Variants in PROS1 observed in about 807,000 individuals in gnomAD.
The protein encoded by PROS1 is protein S.
Under a neutral mutation model 75.9 loss-of-function variants are expected in PROS1, and 29 were observed. That is an observed-to-expected ratio of 0.38 (90% CI 0.28 to 0.52). The LOEUF (loss-of-function observed/expected upper bound fraction) is 0.52, where lower values mean the gene tolerates loss of function less well. PROS1 is among the 20% of genes least tolerant of loss of function. The pLI, the probability that PROS1 is intolerant of heterozygous loss-of-function variation, is 0.83. For missense variants in PROS1, 680 were observed against 810.3 expected (o/e 0.84, Z 1.95); for synonymous variants, 245 against 280.6 (o/e 0.87, Z 1.27).
intron 1 of PROS1, among the ~76,000 whole-genome samples, chr3:93,942,929 G>T (rs528861689): frequency 1.3e-5 from 2 of 152,278 alleles, no homozygotes; most frequent in East Asian, 3.9e-4. Flanking sequence ...CATGCCATGA[G>T]TCAGGAAACT....
At chr3:93,940,784 G>T (rs377166397) in intron 1 of PROS1, among the ~76,000 whole-genome samples, 8 of 152,236 alleles carry the variant, frequency 5.3e-5, no homozygotes, top group East Asian at 3.9e-4. Context: ...GGGGATTAAA[G>T]CCTGTTATCA....
chr3:93,899,837 T>A (rs555394542), intron 7 of PROS1, among the ~76,000 whole-genome samples: 1 of 152,160 alleles, frequency 6.6e-6, no homozygotes, highest in Non-Finnish European at 1.5e-5. Context: ...TTGGGGCTGA[T>A]GAAAAAGTTT....
At chr3:93,922,997 T>C (rs1708964601) in intron 3 of PROS1, among the ~76,000 whole-genome samples, 3 of 152,250 alleles carry the variant, frequency 2.0e-5, no homozygotes, top group South Asian at 4.1e-4. Flanking sequence ...TTAGAAAATA[T>C]AGTTACAGTG....
rs986243901 is a variant in PROS1, at chr3:93,910,796, T to C, written c.260-91A>G. 2.0e-5 allele frequency: 20 copies of C among 1,002,030 alleles called. No homozygotes were observed. In the Admixed American group the frequency reaches 2.2e-4, roughly 11 times the overall value. 62.1% of individuals were successfully genotyped at this position (1,002,030 alleles called of 1,614,324 possible). On this transcript the variant is annotated intron_variant, in intron 3 of 14. Coordinates refer to ENST00000394236, the MANE Select transcript of PROS1 (RefSeq NM_000313.4). ...GGAACTGTCCCAAGAGGTAGGACAT[T>C]TATGCTCCTGTAGATTCACAAGATT...
intron 1 of PROS1, among the ~76,000 whole-genome samples, chr3:93,935,762 T>G (rs1709173076): frequency 6.6e-6 from 1 of 152,064 alleles, no homozygotes; most frequent in African/African-American, 2.4e-5. Flanking sequence ...ATTCAATGGT[T>G]TCTACCAGCA....
rs1130107 is a variant in PROS1, at chr3:93,893,055, C to G, written c.1033G>C (p.Asp345His). Residue 345 changes from aspartate (D) to histidine (H), a missense_variant, in exon 10 of 15, where the codon GAT becomes CAT. By Grantham distance (81) the Asp-to-His change is moderately conservative. Transcript: ENST00000394236. ...EGVILYAESI[D>H]HSAWLLIALR... ...GCAATCAGGAGCCACGCTGAGTGAT[C>G]GATAGATTCTGCGTACAGTATCACG... The G allele has an allele frequency of 1.2e-6, 2 of 1,613,804 alleles. No homozygotes were observed. The highest frequency in any genetic ancestry group is 2.7e-5 in the African/African-American group (2 of 74,898).
At chr3:93,922,234 T>A (rs1190433379) in intron 3 of PROS1, among the ~76,000 whole-genome samples, 1 of 152,080 alleles carries the variant, frequency 6.6e-6, no homozygotes, top group Non-Finnish European at 1.5e-5. Context: ...AATAATTTCT[T>A]TTTTTTATTT....
At chr3:93,934,697 A>T (rs2107214856) in intron 1 of PROS1, among the ~76,000 whole-genome samples, 1 of 152,338 alleles carries the variant, frequency 6.6e-6, no homozygotes, top group Non-Finnish European at 1.5e-5. Context: ...AATGTTACAC[A>T]TATAAAGGCG....
rs200980997 is a variant in PROS1 at position 93,906,017 on chromosome 3, G to A, written c.469+4C>T. 77 of 1,613,988 alleles carry A rather than the reference G, an allele frequency of 4.8e-5. No individual in the cohort carries two copies. The African/African-American group carries it at 7.9e-4, about 16-fold the overall frequency. ...AGCTGGGGGGCGGGGGTTATTATAC[G>A]TACCAAATTCACACTTTTCTCCTTG... On this transcript the variant is annotated splice_donor_region_variant and intron_variant, in intron 5 of 14. Transcript: ENST00000394236.
At chr3:93,936,108 G>A (rs377420624) in intron 1 of PROS1, among the ~76,000 whole-genome samples, 16 of 136,702 alleles carry the variant, frequency 1.2e-4, no homozygotes, top group South Asian at 5.4e-4. Flanking sequence ...CCCCTTCCCC[G>A]CTCCAAATTC....
At chr3:93,889,838 T>C (rs975322907) in intron 10 of PROS1, among the ~76,000 whole-genome samples, 3 of 152,134 alleles carry the variant, frequency 2.0e-5, no homozygotes, top group African/African-American at 4.8e-5. Context: ...GTAAAACATG[T>C]GTGTTTAACA....
intron 1 of PROS1, among the ~76,000 whole-genome samples, chr3:93,945,715 C>T (rs1045416415): frequency 6.6e-6 from 1 of 152,060 alleles, no homozygotes; most frequent in Admixed American, 6.6e-5. Context: ...ACTGAATGGG[C>T]AAAAATGGAA....
At chr3:93,952,768 C>CA (rs113250453) in intron 1 of PROS1, among the ~76,000 whole-genome samples, 3 of 152,090 alleles carry the variant, frequency 2.0e-5, no homozygotes, top group Non-Finnish European at 2.9e-5. Flanking sequence ...AAAAACCCTT[C>CA]AAAAAATCAG....
chr3:93,969,986 G>A (rs182343777), intron 1 of PROS1, among the ~76,000 whole-genome samples: 1 of 152,260 alleles, frequency 6.6e-6, no homozygotes. Context: ...GTTTGATGTT[G>A]TATTACTGTA....
At chr3:93,952,676 A>C (rs543735148) in intron 1 of PROS1, among the ~76,000 whole-genome samples, 3 of 152,352 alleles carry the variant, frequency 2.0e-5, no homozygotes, top group African/African-American at 7.2e-5. Flanking sequence ...GAACTAGAAA[A>C]GCAAGAGCAA....
chr3:93,879,126 G>C, intron 13 of PROS1, 37 bp downstream of exon 13: 1 of 1,585,624 alleles, frequency 6.3e-7, no homozygotes, highest in African/African-American at 1.3e-5. Flanking sequence ...AAAATGAAAA[G>C]AAAAACAAGG....
intron 11 of PROS1, 67 bp downstream of exon 11, chr3:93,886,269 C>G: frequency 2.9e-6 from 4 of 1,399,628 alleles, no homozygotes; most frequent in Non-Finnish European, 4.1e-6. Flanking sequence ...CAGAAACACA[C>G]ATATTCAAAT....
At chr3:93,944,664 G>C (rs2107231423) in intron 1 of PROS1, among the ~76,000 whole-genome samples, 1 of 152,252 alleles carries the variant, frequency 6.6e-6, no homozygotes, top group Non-Finnish European at 1.5e-5. Flanking sequence ...CAGTATATTG[G>C]AGGGAAATTT....
At chr3:93,937,276 G>C (rs980866593) in intron 1 of PROS1, among the ~76,000 whole-genome samples, 5 of 152,168 alleles carry the variant, frequency 3.3e-5, no homozygotes, top group African/African-American at 1.2e-4. Flanking sequence ...CCAGTGGTCA[G>C]ATTGAAACAG....
Sources: allele counts gnomAD v4.1 joint callset (sites outside exome capture counted in the v4.1 genomes callset), GRCh38; gene constraint gnomAD v4.1.1; transcripts MANE v1.5; gene names NCBI Gene and HGNC (gene_info 2026-07-23, HGNC 2026-07-21).